Variants in SORCS2 observed in about 807,000 individuals in gnomAD.
SORCS2 encodes the protein sortilin related VPS10 domain containing receptor 2.
SORCS2 carries 100 observed loss-of-function variants against 141.6 expected under a neutral mutation model. That is an observed-to-expected ratio of 0.71 (90% CI 0.60 to 0.83). The LOEUF (loss-of-function observed/expected upper bound fraction) is 0.83. Among genes scored for constraint, SORCS2 ranks in the 40% least tolerant of loss-of-function variants. The probability of loss-of-function intolerance (pLI) is 0.00; values close to 1 mark genes in which losing one functional copy is unlikely to be tolerated. For missense variants in SORCS2, 1,646 were observed against 1,560.2 expected (o/e 1.05, Z -0.93); for synonymous variants, 789 against 676.9 (o/e 1.17, Z -2.57).
At chr4:7,606,814 C>A (rs1011595730) in intron 3 of SORCS2, among the ~76,000 whole-genome samples, 1 of 152,090 alleles carries the variant, frequency 6.6e-6, no homozygotes, top group Non-Finnish European at 1.5e-5. Flanking sequence ...CTGTGGATGA[C>A]CCCAGGGGTA....
In SORCS2 at chr4:7,396,309, T is replaced by C; in HGVS notation, c.502T>C (p.Tyr168His). 1.2e-6 allele frequency: 2 copies of C among 1,613,974 alleles called. No homozygotes were observed. The highest frequency in any genetic ancestry group is 1.7e-6 in the Non-Finnish European group (2 of 1,179,876). Residue 168 changes from tyrosine (Y) to histidine (H), a missense_variant, in exon 2 of 27, where the codon TAC becomes CAC. Tyr to His is a moderately conservative substitution (Grantham distance 83). Coordinates refer to ENST00000507866, the MANE Select transcript of SORCS2 (RefSeq NM_020777.3). ...ACAGGTGATCTTGATCCTGACGAAG[T>C]ACTACCACGCAGACATGGGGAAGGT... ...NSSVILILTK[Y>H]YHADMGKVLE...
chr4:7,602,670 C>T (rs1717799844), intron 3 of SORCS2, among the ~76,000 whole-genome samples: 1 of 149,952 alleles, frequency 6.7e-6, no homozygotes, highest in South Asian at 2.1e-4. Context: ...TCCTCACTTC[C>T]CAGGCTGGGC....
chr4:7,537,898 A>G (rs1712260560), intron 3 of SORCS2, among the ~76,000 whole-genome samples: 1 of 152,118 alleles, frequency 6.6e-6, no homozygotes, highest in Admixed American at 6.5e-5. Flanking sequence ...AGGTGGGAAG[A>G]TGGATTGAGC....
Position 7,201,767 on chromosome 4 carries a change from C to G in SORCS2, c.480+8641C>G, listed in dbSNP as rs535490153. Among the ~76,000 whole-genome samples, 18 of 152,076 alleles carry G rather than the reference C, an allele frequency of 1.2e-4. No homozygotes were observed. The highest frequency in any genetic ancestry group is 2.2e-4 in the Non-Finnish European group (15 of 68,024). On this transcript the variant is annotated intron_variant, in intron 1 of 26. Transcript: ENST00000507866. The surrounding 1 kb of genome is among the most constrained non-coding windows in gnomAD (Gnocchi z 4.4). Reference sequence around the variant, plus strand: ...CACTTTGTCCTCGCCCCTCCTTAGTCGCTAGTTTGGGTGGGTGCTCTGTGG... The same window carrying G: ...CACTTTGTCCTCGCCCCTCCTTAGTGGCTAGTTTGGGTGGGTGCTCTGTGG...
intron 1 of SORCS2, among the ~76,000 whole-genome samples, chr4:7,364,564 C>T (rs1416027359): frequency 1.3e-5 from 2 of 152,128 alleles, no homozygotes; most frequent in Non-Finnish European, 2.9e-5. Context: ...TGGGGCAATG[C>T]TCATGGGTCA....
intron 2 of SORCS2, among the ~76,000 whole-genome samples, chr4:7,427,878 C>T (rs981415501): frequency 4.0e-5 from 6 of 148,948 alleles, no homozygotes; most frequent in South Asian, 2.3e-4. Flanking sequence ...CCGACTGCAA[C>T]GCTGGGAATC....
At chr4:7,409,177 A>C (rs569757836) in intron 2 of SORCS2, among the ~76,000 whole-genome samples, 1 of 152,156 alleles carries the variant, frequency 6.6e-6, no homozygotes, top group Non-Finnish European at 1.5e-5. Context: ...ATTATTTACT[A>C]TAGTCTTCTC....
intron 3 of SORCS2, among the ~76,000 whole-genome samples, chr4:7,553,679 C>G (rs1289753072): frequency 3.3e-5 from 5 of 152,174 alleles, no homozygotes; most frequent in African/African-American, 1.2e-4. Flanking sequence ...GCACCAGGTT[C>G]AGCTTCAACA....
At chr4:7,533,386 A>C (rs1391643818) in intron 3 of SORCS2, among the ~76,000 whole-genome samples, 1 of 152,200 alleles carries the variant, frequency 6.6e-6, no homozygotes, top group Non-Finnish European at 1.5e-5. Context: ...GCGCTGACCC[A>C]GATGAGGGCC....
intron 18 of SORCS2, among the ~76,000 whole-genome samples, chr4:7,721,120 G>A (rs1055863029): frequency 1.3e-5 from 2 of 152,192 alleles, no homozygotes; most frequent in African/African-American, 4.8e-5. Flanking sequence ...ACAGGCTGGG[G>A]TGCCCCCATG....
intron 1 of SORCS2, among the ~76,000 whole-genome samples, chr4:7,382,568 G>A (rs748500236): frequency 6.6e-6 from 1 of 152,218 alleles, no homozygotes; most frequent in Non-Finnish European, 1.5e-5. Flanking sequence ...AATCCTGAAA[G>A]GGGGTAGAAA....
At position 7,676,094 on chromosome 4, in the gene SORCS2, G is replaced by T; in HGVS notation, c.1206G>T (p.Ala402=). 1 of 1,588,328 alleles carries T rather than the reference G, an allele frequency of 6.3e-7. No homozygotes were observed. Residue 402 remains alanine (A), a synonymous_variant, in exon 9 of 27, where the codon GCG becomes GCT. Coordinates refer to ENST00000507866, the MANE Select transcript of SORCS2 (RefSeq NM_020777.3). ...ISTDESQVFV[A]VQEWYQMDTY... ...CGGACGAGAGTCAGGTGTTCGTGGC[G>T]GTGCAGGAGTGGTACCAGATGGACA...
chr4:7,700,072 G>A lies in SORCS2; in HGVS notation c.1668+2798G>A, dbSNP rs116244311. On this transcript the variant is annotated intron_variant, in intron 12 of 26. Transcript: ENST00000507866. ...CCCCCAGGGCTCCCGCCCCAGCCAC[G>A]TGCTTCCTGCTCCCTGGACACAGCT... Among the ~76,000 whole-genome samples, 1,118 of 152,282 alleles carry A rather than the reference G, an allele frequency of 7.3e-3. 13 individuals are homozygous for A. Among genetic ancestry groups the A allele is most frequent in the African/African-American group, 0.026 (1,070 of 41,566 alleles).
intron 5 of SORCS2, among the ~76,000 whole-genome samples, chr4:7,657,489 G>A (rs1721850412): frequency 2.1e-5 from 2 of 93,142 alleles, no homozygotes; most frequent in South Asian, 6.8e-4. Flanking sequence ...GTGAGTCAAT[G>A]AATGAATGAG....
intron 1 of SORCS2, among the ~76,000 whole-genome samples, chr4:7,366,143 C>CCCT (rs1271407245): frequency 6.6e-6 from 1 of 152,164 alleles, no homozygotes; most frequent in African/African-American, 2.4e-5. Context: ...ATCCCTGCCA[C>CCCT]CCTCCTCCTC....
At chr4:7,412,278 C>T (rs891249203) in intron 2 of SORCS2, among the ~76,000 whole-genome samples, 2 of 152,226 alleles carry the variant, frequency 1.3e-5, no homozygotes, top group African/African-American at 4.8e-5. Flanking sequence ...CGATGGCCAC[C>T]CCCTGGAGTT....
chr4:7,391,234 GA>G (rs913416217), intron 1 of SORCS2, among the ~76,000 whole-genome samples: 1 of 152,214 alleles, frequency 6.6e-6, no homozygotes, highest in Non-Finnish European at 1.5e-5. Context: ...CACAGGTGAA[GA>G]CGCTGACGAC....
chr4:7,251,223 G>A (rs75776683), intron 1 of SORCS2, among the ~76,000 whole-genome samples: 23,364 of 152,180 alleles, frequency 0.15, 2,266 homozygotes, highest in Middle Eastern at 0.27. Context: ...GCTTGTTCCA[G>A]GGGCTCAAAC....
intron 2 of SORCS2, among the ~76,000 whole-genome samples, chr4:7,500,465 T>C (rs1439627554): frequency 6.6e-6 from 1 of 152,108 alleles, no homozygotes; most frequent in Non-Finnish European, 1.5e-5. Context: ...CTACCCACAC[T>C]GAAGGCCTCA....
Sources: allele counts gnomAD v4.1 joint callset (sites outside exome capture counted in the v4.1 genomes callset), GRCh38; gene constraint gnomAD v4.1.1; non-coding constraint Gnocchi (gnomAD v3.1); transcripts MANE v1.5; gene names NCBI Gene and HGNC (gene_info 2026-07-23, HGNC 2026-07-21).